The following TBC1D4 variants were observed in gnomAD, a reference collection of about 807,000 sequenced individuals.
The protein encoded by TBC1D4 is TBC1 domain family member 4, also known as TBC (Tre-2, BUB2, CDC16) domain-containing protein.
In TBC1D4, 121 loss-of-function variants were observed where a neutral mutation model predicts 142.5. The ratio of observed to expected loss-of-function variants is 0.85; its 90% CI spans 0.73 to 0.99. The LOEUF (loss-of-function observed/expected upper bound fraction) is 0.99. Ranked by LOEUF, TBC1D4 falls within the 50% of genes least tolerant of loss-of-function variation. The probability of loss-of-function intolerance (pLI) is 0.00; values close to 1 mark genes in which losing one functional copy is unlikely to be tolerated. For synonymous variants in TBC1D4, 630 were observed against 628.2 expected, an observed-to-expected ratio of 1.00 and a Z score of -0.04; for missense variants, 1,475 against 1,606.6, an observed-to-expected ratio of 0.92 and a Z score of 1.40.
At chr13:75,398,132 G>T (rs140295419) in intron 1 of TBC1D4, among the ~76,000 whole-genome samples, 1 of 152,354 alleles carries the variant, frequency 6.6e-6, no homozygotes, top group Non-Finnish European at 1.5e-5. Context: ...TCCTACCTTG[G>T]ACGTTCTAGT....
At chr13:75,454,981 T>C (rs1424158269) in intron 1 of TBC1D4, among the ~76,000 whole-genome samples, 1 of 152,224 alleles carries the variant, frequency 6.6e-6, no homozygotes, top group Non-Finnish European at 1.5e-5. Context: ...AACATGAATA[T>C]ATAAATGCTT....
At chr13:75,417,367 T>C (rs911336105) in intron 1 of TBC1D4, among the ~76,000 whole-genome samples, 24 of 152,152 alleles carry the variant, frequency 1.6e-4, no homozygotes, top group African/African-American at 2.4e-5. Context: ...GGGTAAGTGC[T>C]ACCTGGGAGG....
At chr13:75,348,183 T>C (rs1215078509) in intron 5 of TBC1D4, among the ~76,000 whole-genome samples, 1 of 152,142 alleles carries the variant, frequency 6.6e-6, no homozygotes, top group African/African-American at 2.4e-5. Flanking sequence ...TTTGATCACA[T>C]AGTTGTGTAA....
intron 8 of TBC1D4, 25 bp downstream of exon 8, chr13:75,336,896 T>C (rs1324093832): frequency 1.2e-6 from 2 of 1,613,460 alleles, no homozygotes; most frequent in Non-Finnish European, 1.7e-6. Context: ...TATGCATACT[T>C]GAAAGACCAT....
rs375368538 is a variant in TBC1D4, at chr13:75,362,637, A to C, written c.499-30T>G. On this transcript the variant is annotated intron_variant, in intron 1 of 20. Coordinates refer to ENST00000377636, the MANE Select transcript of TBC1D4 (RefSeq NM_014832.5). This position sits in a 1 kb window ranked among gnomAD's most constrained non-coding sequence, Gnocchi z 4.2. ...GGGAAAAAATTAAAACCCTGATTCT[A>C]GTTGAAAGTTTTGAGACAATTTACA... 1.4e-4 allele frequency: 220 copies of C among 1,611,554 alleles called. No individual in the cohort carries two copies. The highest frequency in any genetic ancestry group is 1.8e-4 in the Non-Finnish European group (214 of 1,179,124).
intron 15 of TBC1D4, among the ~76,000 whole-genome samples, chr13:75,303,012 A>G (rs975105044): frequency 6.6e-6 from 1 of 152,232 alleles, no homozygotes; most frequent in Non-Finnish European, 1.5e-5. Flanking sequence ...GCATTCTTAT[A>G]TGGGCATTAA....
At chr13:75,317,391 C>T (rs1452666424) in intron 12 of TBC1D4, among the ~76,000 whole-genome samples, 2 of 152,166 alleles carry the variant, frequency 1.3e-5, no homozygotes, top group Non-Finnish European at 2.9e-5. Context: ...AGAGTACTAT[C>T]AGGTGCTCGT....
chr13:75,386,619 A>G (rs1182446230), intron 1 of TBC1D4, among the ~76,000 whole-genome samples: 2 of 151,550 alleles, frequency 1.3e-5, no homozygotes, highest in African/African-American at 4.8e-5. Flanking sequence ...CGATCTCCTG[A>G]CCTCGTGATC....
intron 2 of TBC1D4, 90 bp downstream of exon 2, chr13:75,361,936 A>G: frequency 2.1e-6 from 3 of 1,415,390 alleles, no homozygotes; most frequent in Non-Finnish European, 3.0e-6. Context: ...TATTCGTTAT[A>G]TAGAGGTGGA....
At chr13:75,357,073 T>C (rs1485169359) in intron 3 of TBC1D4, among the ~76,000 whole-genome samples, 1 of 152,222 alleles carries the variant, frequency 6.6e-6, no homozygotes, top group African/African-American at 2.4e-5. Flanking sequence ...TTGTGAGATA[T>C]GTGATATTGC....
chr13:75,466,547 C>G (rs977554411), intron 1 of TBC1D4, among the ~76,000 whole-genome samples: 5 of 152,110 alleles, frequency 3.3e-5, no homozygotes, highest in Non-Finnish European at 7.4e-5. Context: ...TGTTGTAATT[C>G]TCTTTCACGG....
At position 75,285,084 on chromosome 13, in the gene TBC1D4, T is replaced by C. The variant is rs192901349; in HGVS notation, c.*1708A>G. ...AATCAATTAGTAGCCCCCAATTGAA[T>C]GGGGCAGACAGAATCAGCATTTTCT... On this transcript the variant is annotated 3_prime_UTR_variant, in exon 21 of 21. Coordinates refer to ENST00000377636, the MANE Select transcript of TBC1D4 (RefSeq NM_014832.5). 6.6e-6 allele frequency: 1 copy of C among 152,280 alleles called. No homozygotes were observed. Among genetic ancestry groups the C allele is most frequent in the Admixed American group, 6.5e-5 (1 of 15,302 alleles). The allele number at this position is 152,280 out of a possible 1,614,324, so 9.4% of individuals were successfully genotyped here.
intron 10 of TBC1D4, 83 bp from the exon 11 acceptor site, chr13:75,324,484 G>T (rs1593728536): frequency 1.3e-6 from 2 of 1,503,566 alleles, no homozygotes; most frequent in African/African-American, 1.4e-5. Flanking sequence ...ATATAAACAG[G>T]TTCTTGCTAT....
At chr13:75,290,924 T>C (rs990740264) in intron 19 of TBC1D4, among the ~76,000 whole-genome samples, 1 of 152,178 alleles carries the variant, frequency 6.6e-6, no homozygotes, top group Non-Finnish European at 1.5e-5. Flanking sequence ...CTAAACCCTA[T>C]CGTCTTTCTG....
chr13:75,410,732 C>A (rs1451609039), intron 1 of TBC1D4, among the ~76,000 whole-genome samples: 1 of 151,576 alleles, frequency 6.6e-6, no homozygotes, highest in Admixed American at 6.6e-5. Flanking sequence ...GTCAGGAGAT[C>A]GAGACCATCC....
At chr13:75,403,363 C>T (rs1478974724) in intron 1 of TBC1D4, among the ~76,000 whole-genome samples, 1 of 152,148 alleles carries the variant, frequency 6.6e-6, no homozygotes, top group Admixed American at 6.5e-5. Context: ...TATTACTAAA[C>T]AAAATATTTT....
intron 5 of TBC1D4, among the ~76,000 whole-genome samples, chr13:75,348,083 G>C (rs1274801346): frequency 1.3e-5 from 2 of 152,160 alleles, no homozygotes; most frequent in African/African-American, 4.8e-5. Flanking sequence ...AGAGGCTGCA[G>C]TGAGTCATAA....
intron 5 of TBC1D4, among the ~76,000 whole-genome samples, chr13:75,346,262 C>T (rs189871367): frequency 0.018 from 2,728 of 151,506 alleles, 50 homozygotes; most frequent in Non-Finnish European, 0.026. Context: ...CTGTCATCTA[C>T]ATTAGGTATT....
At chr13:75,410,060 A>G (rs538072174) in intron 1 of TBC1D4, among the ~76,000 whole-genome samples, 1 of 152,358 alleles carries the variant, frequency 6.6e-6, no homozygotes, top group South Asian at 2.1e-4. Flanking sequence ...CCTGCCTTGT[A>G]TAAACAAAAT....
Sources: gnomAD v4.1 joint callset for allele counts (sites outside exome capture counted in the v4.1 genomes callset) on GRCh38, gnomAD v4.1.1 for gene constraint, Gnocchi (gnomAD v3.1) non-coding constraint, MANE v1.5 for transcripts, NCBI Gene and HGNC (gene_info 2026-07-23, HGNC 2026-07-21) for gene names.